NRG3: variants seen among roughly 807,000 people sequenced by gnomAD.
NRG3 encodes the protein neuregulin 3, also known as pro-neuregulin-3, membrane-bound isoform.
In NRG3, 31 loss-of-function variants were observed where a neutral mutation model predicts 66.9. The ratio of observed to expected loss-of-function variants is 0.46; its 90% confidence interval spans 0.35 to 0.63. NRG3 has a LOEUF of 0.63. Among genes scored for constraint, NRG3 ranks in the 20% least tolerant of loss-of-function variants. The pLI is 0.00. For synonymous variants in NRG3, 393 were observed against 359.4 expected, an observed-to-expected ratio of 1.09 and a Z score of -1.06; for missense variants, 910 against 878.9, an observed-to-expected ratio of 1.04 and a Z score of -0.45.
At chr10:82,209,612 C>T (rs1482429148) in intron 1 of NRG3, among the ~76,000 whole-genome samples, 2 of 152,124 alleles carry the variant, frequency 1.3e-5, no homozygotes, top group African/African-American at 4.8e-5. Context: ...CTATTAGAGC[C>T]ATATAATGAT....
At chr10:81,885,929 A>G (rs1036495665) in intron 1 of NRG3, among the ~76,000 whole-genome samples, 3 of 152,178 alleles carry the variant, frequency 2.0e-5, no homozygotes, top group Admixed American at 6.5e-5. Context: ...AAATGTTTAT[A>G]TTAAATGATA....
At chr10:82,327,136 C>T (rs2081913120) in intron 1 of NRG3, among the ~76,000 whole-genome samples, 1 of 152,090 alleles carries the variant, frequency 6.6e-6, no homozygotes, top group African/African-American at 2.4e-5. Context: ...AGAACAAGAA[C>T]CAAGGAGAGT....
intron 2 of NRG3, among the ~76,000 whole-genome samples, chr10:82,387,164 C>G (rs911093466): frequency 6.6e-6 from 1 of 152,160 alleles, no homozygotes; most frequent in Admixed American, 6.5e-5. Flanking sequence ...CATGCTTTAG[C>G]TTTATTTTAT....
intron 1 of NRG3, among the ~76,000 whole-genome samples, chr10:82,095,769 C>T (rs138087759): frequency 1.7e-3 from 262 of 152,268 alleles, no homozygotes; most frequent in African/African-American, 6.0e-3. Flanking sequence ...TGGGAATGAG[C>T]TAAATCTCAA....
intron 2 of NRG3, among the ~76,000 whole-genome samples, chr10:82,388,373 A>C (rs913763150): frequency 2.0e-5 from 3 of 152,198 alleles, no homozygotes; most frequent in Non-Finnish European, 4.4e-5. Context: ...TTATATATGA[A>C]TGATATCTCT....
intron 6 of NRG3, among the ~76,000 whole-genome samples, chr10:82,962,577 G>A (rs1246628458): frequency 1.2e-4 from 19 of 152,092 alleles, no homozygotes; most frequent in African/African-American, 3.9e-4. Flanking sequence ...AGTGGCTCAC[G>A]CCTGTAATCC....
chr10:81,941,150 A>G (rs1848371274), intron 1 of NRG3, among the ~76,000 whole-genome samples: 1 of 152,178 alleles, frequency 6.6e-6, no homozygotes, highest in African/African-American at 2.4e-5. Context: ...CAGCATGCAC[A>G]AGAGACAATT....
intron 2 of NRG3, among the ~76,000 whole-genome samples, chr10:82,636,334 A>T (rs1242401230): frequency 1.3e-5 from 2 of 151,602 alleles, no homozygotes; most frequent in Non-Finnish European, 2.9e-5. Flanking sequence ...GATTAATGAC[A>T]CTCCACATCT....
At chr10:82,945,315 C>A (rs1848914751) in intron 4 of NRG3, among the ~76,000 whole-genome samples, 1 of 152,122 alleles carries the variant, frequency 6.6e-6, no homozygotes, top group African/African-American at 2.4e-5. Flanking sequence ...GGCCAGGGTA[C>A]AAGTGCTTTC....
intron 1 of NRG3, among the ~76,000 whole-genome samples, chr10:82,064,438 T>C (rs938005945): frequency 6.6e-6 from 1 of 152,078 alleles, no homozygotes; most frequent in East Asian, 1.9e-4. Context: ...ATACACATTT[T>C]AAATAATCAT....
chr10:81,934,189 C>T (rs1463484921), intron 1 of NRG3, among the ~76,000 whole-genome samples: 3 of 152,134 alleles, frequency 2.0e-5, no homozygotes, highest in Non-Finnish European at 4.4e-5. Context: ...ACTATAATTG[C>T]AGATTATACT....
At chr10:82,755,747 C>A (rs2059051480) in intron 3 of NRG3, among the ~76,000 whole-genome samples, 1 of 152,170 alleles carries the variant, frequency 6.6e-6, no homozygotes, top group Non-Finnish European at 1.5e-5. Context: ...TTTTCTTGCA[C>A]AGGAAAAACT....
chr10:82,752,422 CTT>C (rs2058904646), intron 3 of NRG3, among the ~76,000 whole-genome samples: 1 of 152,106 alleles, frequency 6.6e-6, no homozygotes, highest in South Asian at 2.1e-4. Context: ...CCCCTTATCT[CTT>C]TTTATATAAA....
At chr10:82,439,448 T>G (rs1349254913) in intron 2 of NRG3, among the ~76,000 whole-genome samples, 1 of 152,052 alleles carries the variant, frequency 6.6e-6, no homozygotes, top group African/African-American at 2.4e-5. Context: ...ACAATGATGA[T>G]AAGCAAAAAT....
rs573137832 is a variant in NRG3, at chr10:82,588,308, C to T, written c.954-150269C>T. Among the ~76,000 whole-genome samples the T allele has an allele frequency of 2.0e-5, 3 of 152,214 alleles. No individual in the cohort carries two copies. In the East Asian group the frequency reaches 5.8e-4, roughly 29 times the overall value. On this transcript the variant is annotated intron_variant, in intron 2 of 8. Coordinates refer to ENST00000372141, the MANE Select transcript of NRG3 (RefSeq NM_001010848.4). The stretch of plus-strand genomic sequence containing the variant: ...TGAGTGAGTTTTTGCTTTAGTAGTT[C>T]ATGTGAAATCTGGTTGTTTAAATGA...
chr10:81,952,671 A>C (rs73306537), intron 1 of NRG3, among the ~76,000 whole-genome samples: 18,743 of 151,976 alleles, frequency 0.12, 1,530 homozygotes, highest in African/African-American at 0.23. Flanking sequence ...GTGTCACAAT[A>C]ATAGCTGAAT....
At chr10:82,900,802 C>A (rs1043387626) in intron 4 of NRG3, among the ~76,000 whole-genome samples, 15 of 152,106 alleles carry the variant, frequency 9.9e-5, no homozygotes, top group African/African-American at 3.6e-4. Flanking sequence ...AGGCTAAAGC[C>A]TTTATTATGA....
At chr10:82,234,413 C>T (rs1293540356) in intron 1 of NRG3, among the ~76,000 whole-genome samples, 3 of 152,246 alleles carry the variant, frequency 2.0e-5, no homozygotes, top group Admixed American at 1.3e-4. Context: ...ATCACAGTTG[C>T]GATTACATTT....
At chr10:82,275,284 A>T (rs900662464) in intron 1 of NRG3, among the ~76,000 whole-genome samples, 12 of 151,996 alleles carry the variant, frequency 7.9e-5, no homozygotes, top group African/African-American at 2.9e-4. Flanking sequence ...ATCTTTCCTG[A>T]GTTGCCAAGA....
Sources: allele counts gnomAD v4.1 joint callset (sites outside exome capture counted in the v4.1 genomes callset), GRCh38; gene constraint gnomAD v4.1.1; transcripts MANE v1.5; gene names NCBI Gene and HGNC (gene_info 2026-07-23, HGNC 2026-07-21).